Variants in PIGQ observed in about 807,000 individuals in gnomAD.
PIGQ encodes phosphatidylinositol N-acetylglucosaminyltransferase subunit Q.
In PIGQ, 54 loss-of-function variants were observed where a neutral mutation model predicts 60.3. That is an observed-to-expected ratio of 0.90 (90% CI 0.72 to 1.12). PIGQ has a LOEUF of 1.12. PIGQ is among the 50% of genes most tolerant of loss of function. The probability of loss-of-function intolerance (pLI) is 0.00; values close to 1 mark genes in which losing one functional copy is unlikely to be tolerated. For synonymous variants in PIGQ, 416 were observed against 363.7 expected (o/e 1.14, Z -1.64); for missense variants, 799 against 793.5 (o/e 1.01, Z -0.08).
rs925606520 is a variant in PIGQ at position 583,304 on chromosome 16, C to T, written c.*269C>T. On this transcript the variant is annotated 3_prime_UTR_variant, in exon 11 of 11. Coordinates refer to ENST00000321878, the MANE Select transcript of PIGQ (RefSeq NM_004204.5). ...CCACCTGCTGCGGTCACCATGGTGGCGAGCACAGCAACCCCAGGTGTCCAG... is the reference window on the plus strand; with the variant it reads ...CCACCTGCTGCGGTCACCATGGTGGTGAGCACAGCAACCCCAGGTGTCCAG... 5.6e-6 allele frequency: 9 copies of T among 1,612,728 alleles called. No homozygotes were observed. Among genetic ancestry groups the T allele is most frequent in the South Asian group, 3.3e-5 (3 of 91,092 alleles).
At position 578,486 on chromosome 16, in the gene PIGQ, C is replaced by T; in HGVS notation, c.1050C>T (p.Tyr350=). The change falls in exon 5 of 11, where the codon TAC becomes TAT. Residue 350 remains tyrosine, a synonymous_variant. Coordinates refer to ENST00000321878, the MANE Select transcript of PIGQ (RefSeq NM_004204.5). ...LDQVLGRFFL[Y]HIHLWISYIH... ...AGGTGCTGGGCCGCTTCTTCCTCTA[C>T]CACATCCACCTGTGGATCAGTGAGT... 1.2e-6 allele frequency: 2 copies of T among 1,612,568 alleles called. No homozygotes were observed. Among genetic ancestry groups the T allele is most frequent in the Non-Finnish European group, 1.7e-6 (2 of 1,179,832 alleles).
At position 583,455 on chromosome 16, in the gene PIGQ, G is replaced by C. The variant is rs762203938; in HGVS notation, c.*420G>C. On this transcript the variant is annotated 3_prime_UTR_variant, in exon 11 of 11. Coordinates refer to ENST00000321878, the MANE Select transcript of PIGQ (RefSeq NM_004204.5). ...CTCTGCCCTGGCTGTGGGGGTGGAG[G>C]GACCTTGCCAGGATGAACCCCCCAG... is the stretch of plus-strand genomic sequence containing the variant. The C allele has an allele frequency of 6.2e-7, 1 of 1,612,676 alleles. No individual in the cohort carries two copies. The highest frequency in any genetic ancestry group is 8.5e-7 in the Non-Finnish European group (1 of 1,179,926).
Position 578,502 on chromosome 16 carries a change from A to G in PIGQ, c.1066A>G (p.Ile356Val). The G allele has an allele frequency of 1.2e-6, 2 of 1,612,238 alleles. No individual in the cohort carries two copies. The highest frequency in any genetic ancestry group is 1.7e-6 in the Non-Finnish European group (2 of 1,179,732). ...CTTCCTCTACCACATCCACCTGTGGATCAGTGAGTGCAGGGCAGGCGGGGG... is the reference window on the plus strand; with the variant it reads ...CTTCCTCTACCACATCCACCTGTGGGTCAGTGAGTGCAGGGCAGGCGGGGG... Reference protein sequence around the residue: ...RFFLYHIHLWISYIHLMSPFV... With the variant: ...RFFLYHIHLWVSYIHLMSPFV... Residue 356 changes from isoleucine (I) to valine (V), a missense_variant, in exon 5 of 11, where the codon ATC (isoleucine) becomes GTC (valine). Ile to Val is a conservative substitution (Grantham distance 29). Transcript: ENST00000321878.
Position 574,692 on chromosome 16 carries a change from G to C in PIGQ, c.618G>C (p.Arg206Ser), listed in dbSNP as rs1375197363. 2.5e-6 allele frequency: 4 copies of C among 1,602,316 alleles called. No homozygotes were observed. The highest frequency in any genetic ancestry group is 3.4e-6 in the Non-Finnish European group (4 of 1,178,200). The change falls in exon 2 of 11, where the codon AGG becomes AGC. Residue 206 changes from arginine (R) to serine (S), a missense_variant. Transcript: ENST00000321878. ...CCAGCATCCTCGCGGAGCTGGCCAG[G>C]CGAGCCTCGGGACCCATTTGCCTGC... ...VEASILAELA[R>S]RASGPICLLL...
At chr16:571,619 TG>T (rs1882378255) in intron 1 of PIGQ, among the ~76,000 whole-genome samples, 2 of 145,034 alleles carry the variant, frequency 1.4e-5, no homozygotes, top group Admixed American at 1.4e-4. Context: ...CCCGTGTGTG[TG>T]TGTGTGTGTG....
intron 1 of PIGQ, chr16:572,588 C>T (rs1203592525): frequency 2.2e-6 from 1 of 452,326 alleles, no homozygotes; most frequent in Non-Finnish European, 4.4e-6. Flanking sequence ...GCTCTGAGAC[C>T]TCCAGGCATC....
At position 577,580 on chromosome 16, in the gene PIGQ, A is replaced by G. The variant is rs1040931006; in HGVS notation, c.943-799A>G. On this transcript the variant is annotated intron_variant, in intron 4 of 10. Transcript: ENST00000321878. Reference sequence around the variant, plus strand: ...CGACAAAACAAGACTCCGTCTCAGAAAAAAAAAAAAAAAAAAGTGTTCTTT... The same window carrying G: ...CGACAAAACAAGACTCCGTCTCAGAGAAAAAAAAAAAAAAAAGTGTTCTTT... Among the ~76,000 whole-genome samples the G allele has an allele frequency of 1.4e-4, 6 of 44,162 alleles. 1 individual carries two copies. The South Asian group carries it at 4.8e-3, about 35-fold the overall frequency. The allele number at this position is 44,162 out of a possible 152,430, so 29.0% of individuals were successfully genotyped here. A position where few individuals can be genotyped will look rare whatever the true frequency, so the allele number is the denominator to read the frequency against.
chr16:579,329 G>A (rs1026092988), intron 7 of PIGQ, 149 bp downstream of exon 7: 5 of 640,118 alleles, frequency 7.8e-6, no homozygotes, highest in South Asian at 1.8e-5. Context: ...ATAAGTCTGC[G>A]GTGTGGGCTG....
rs192571737 is a variant in PIGQ, at chr16:577,405, G to A, written c.943-974G>A. ...ATCCTGGCTAACACAGTGAAATCCC[G>A]TCTCTACTAAAAATACAAAAAATTA... On this transcript the variant is annotated intron_variant, in intron 4 of 10. Coordinates refer to ENST00000321878, the MANE Select transcript of PIGQ (RefSeq NM_004204.5). Among the ~76,000 whole-genome samples the A allele has an allele frequency of 7.8e-3, 1,182 of 151,876 alleles. 10 individuals carry two copies. The highest frequency in any genetic ancestry group is 0.021 in the African/African-American group (868 of 41,372).
At chr16:582,206 GC>G in intron 9 of PIGQ, 41 bp from the exon 10 acceptor site, 1 of 1,415,984 alleles carries the variant, frequency 7.1e-7, no homozygotes, top group Non-Finnish European at 9.8e-7. Context: ...TGTGGGGCCA[GC>G]CCCCACGCGT....
chr16:578,000 G>A, intron 4 of PIGQ: 1 of 211,174 alleles, frequency 4.7e-6, no homozygotes, highest in Non-Finnish European at 9.7e-6. Context: ...TCCCTGCAGG[G>A]CTGGAGCCGA....
At chr16:581,929 A>C in intron 9 of PIGQ, 1 of 375,214 alleles carries the variant, frequency 2.7e-6, no homozygotes, top group Non-Finnish European at 5.1e-6. Flanking sequence ...ACACCCGGCT[A>C]ATTTTTGTAT....
At position 576,267 on chromosome 16, in the gene PIGQ, G is replaced by C; in HGVS notation, c.942+13G>C. 1 of 1,553,828 alleles carries C rather than the reference G, an allele frequency of 6.4e-7. No individual in the cohort carries two copies. The highest frequency in any genetic ancestry group is 8.7e-7 in the Non-Finnish European group (1 of 1,149,390). Reference sequence around the variant, plus strand: ...TCCTGTGGCTGACGTGAGTGGACTGGGGTGGAGCCCGGTGTCCCGGGTGGG... The same window carrying C: ...TCCTGTGGCTGACGTGAGTGGACTGCGGTGGAGCCCGGTGTCCCGGGTGGG... On this transcript the variant is annotated intron_variant, in intron 4 of 10. Transcript: ENST00000321878.
intron 1 of PIGQ, among the ~76,000 whole-genome samples, chr16:570,941 A>G (rs1596379984): frequency 6.6e-6 from 1 of 152,128 alleles, no homozygotes. Flanking sequence ...ACTACTTTAT[A>G]TGGTCGACCT....
chr16:583,549 C>A lies in PIGQ; in HGVS notation c.*514C>A, dbSNP rs766848991. 1 of 1,612,468 alleles carries A rather than the reference C, an allele frequency of 6.2e-7. No individual in the cohort carries two copies. The highest frequency in any genetic ancestry group is 8.5e-7 in the Non-Finnish European group (1 of 1,179,676). ...TCTGGGGGATTGAAGCAGTCGCTGA[C>A]CCCCGTCCCCAGCGGGCCCGGGCCC... On this transcript the variant is annotated 3_prime_UTR_variant, in exon 11 of 11. Transcript: ENST00000321878.
chr16:581,436 AC>A, intron 9 of PIGQ: 1 of 893,214 alleles, frequency 1.1e-6, no homozygotes, highest in South Asian at 3.6e-5. Context: ...CTTGCCGGAC[AC>A]CTGGCTTCTT....
intron 10 of PIGQ, chr16:582,547 T>C: frequency 1.8e-6 from 1 of 569,632 alleles, no homozygotes; most frequent in Middle Eastern, 4.6e-4. Context: ...GGAGGCGCCC[T>C]TGGCTGGCTG....
intron 4 of PIGQ, chr16:578,010 A>C (rs976704309): frequency 4.7e-6 from 1 of 214,392 alleles, no homozygotes; most frequent in Non-Finnish European, 9.5e-6. Context: ...GCTGGAGCCG[A>C]ATCAGGGTCT....
intron 1 of PIGQ, chr16:572,711 G>T (rs557814937): frequency 2.2e-6 from 1 of 454,470 alleles, no homozygotes; most frequent in Non-Finnish European, 4.4e-6. Context: ...CAGGCGTCCC[G>T]CTCTGTTCCC....
Sources: allele counts gnomAD v4.1 joint callset (sites outside exome capture counted in the v4.1 genomes callset), GRCh38; gene constraint gnomAD v4.1.1; transcripts MANE v1.5; gene names NCBI Gene and HGNC (gene_info 2026-07-23, HGNC 2026-07-21).